The following CTR9 variants were observed in gnomAD, a reference collection of about 807,000 sequenced individuals.
The protein encoded by CTR9 is RNA polymerase-associated protein CTR9 homolog.
Under a neutral mutation model 152.1 loss-of-function variants are expected in CTR9, and 41 were observed. The ratio of observed to expected loss-of-function variants is 0.27; its 90% CI spans 0.21 to 0.35. The LOEUF is 0.35. CTR9 is among the 10% of genes least tolerant of loss of function. The pLI is 1.00. For synonymous variants in CTR9, 476 were observed against 496.2 expected (o/e 0.96, Z 0.54); for missense variants, 917 against 1,424.4 (o/e 0.64, Z 5.73).
chr11:10,778,482 CT>C (rs1200532082), intron 24 of CTR9, among the ~76,000 whole-genome samples, 196 bp from the exon 25 acceptor site: 1 of 152,048 alleles, frequency 6.6e-6, no homozygotes, highest in Non-Finnish European at 1.5e-5. Flanking sequence ...CTTTTTAAAC[CT>C]TTTTGAGTTG....
intron 7 of CTR9, among the ~76,000 whole-genome samples, chr11:10,762,560 C>G (rs1256346026): frequency 6.6e-6 from 1 of 152,176 alleles, no homozygotes; most frequent in Non-Finnish European, 1.5e-5. Context: ...GCTTTGGATT[C>G]AGATAGTGGA....
Position 10,759,375 on chromosome 11 carries a change from G to T in CTR9, c.593-798G>T, listed in dbSNP as rs200543516. ...AAATAGGGACACAGAATTGATCATT[G>T]GATTTAGCACCATACAAATCCATAG... On this transcript the variant is annotated intron_variant, in intron 5 of 24. Coordinates refer to ENST00000361367, the MANE Select transcript of CTR9 (RefSeq NM_014633.5). Among the ~76,000 whole-genome samples the T allele has an allele frequency of 5.3e-5, 8 of 152,174 alleles. No individual in the cohort carries two copies. The East Asian group carries it at 1.3e-3, about 26-fold the overall frequency.
intron 13 of CTR9, among the ~76,000 whole-genome samples, chr11:10,766,900 G>A (rs981036307): frequency 2.0e-5 from 3 of 152,034 alleles, no homozygotes; most frequent in African/African-American, 7.3e-5. Context: ...AACGTTTTGA[G>A]GGCCCACAAA....
At chr11:10,768,512 A>C in intron 16 of CTR9, 21 bp downstream of exon 16, 1 of 1,576,606 alleles carries the variant, frequency 6.3e-7, no homozygotes, top group Non-Finnish European at 8.6e-7. Flanking sequence ...CTCTTTCAAG[A>C]TATTTTTATA....
rs189206491 is a variant in CTR9, at chr11:10,773,322, G to A, written c.2727+49G>A. 1.6e-4 allele frequency: 258 copies of A among 1,587,618 alleles called. No homozygotes were observed. The South Asian group carries it at 2.5e-3, about 15-fold the overall frequency. On this transcript the variant is annotated intron_variant, in intron 21 of 24. Transcript: ENST00000361367. The stretch of plus-strand genomic sequence containing the variant: ...CAAGTGACCTCATTCTCTGTCTTTT[G>A]GCTTTGAGAAATGAGGATAATTGGT...
chr11:10,757,937 C>T (rs1014599683), intron 5 of CTR9, among the ~76,000 whole-genome samples: 3 of 152,184 alleles, frequency 2.0e-5, no homozygotes, highest in African/African-American at 7.2e-5. Context: ...ACCTAAAAAA[C>T]AACTAGCAGC....
Position 10,764,742 on chromosome 11 carries a change from T to A in CTR9, c.1597+11T>A. ...CTAATTATGTTGACTGTAAGGATTT[T>A]AAACTTCTTTATGTAATGAAATCCG... On this transcript the variant is annotated intron_variant, in intron 12 of 24. Transcript: ENST00000361367. 3 of 1,576,180 alleles carry A rather than the reference T, an allele frequency of 1.9e-6. No individual in the cohort carries two copies. The highest frequency in any genetic ancestry group is 2.6e-6 in the Non-Finnish European group (3 of 1,152,206).
chr11:10,775,378 C>A, intron 23 of CTR9, 75 bp downstream of exon 23: 1 of 1,434,806 alleles, frequency 7.0e-7, no homozygotes, highest in Non-Finnish European at 9.7e-7. Context: ...TACATTCTTT[C>A]CTTGCAGCTT....
At chr11:10,773,369 A>G in intron 21 of CTR9, 96 bp downstream of exon 21, 1 of 1,420,868 alleles carries the variant, frequency 7.0e-7, no homozygotes, top group Non-Finnish European at 9.7e-7. Context: ...TGTACTTACT[A>G]GTTTTGACTT....
intron 20 of CTR9, 107 bp from the exon 21 acceptor site, chr11:10,773,020 C>G: frequency 8.0e-7 from 1 of 1,251,572 alleles, no homozygotes; most frequent in Non-Finnish European, 1.1e-6. Flanking sequence ...GAGTGAGACT[C>G]CATCTCAAAA....
At chr11:10,764,817 T>A in intron 12 of CTR9, 86 bp downstream of exon 12, 1 of 1,261,690 alleles carries the variant, frequency 7.9e-7, no homozygotes, top group Non-Finnish European at 1.1e-6. Context: ...AATTTAGAAT[T>A]GATAGTAAAA....
chr11:10,764,126 G>C lies in CTR9; in HGVS notation c.1209G>C (p.Lys403Asn). Residue 403 changes from lysine to asparagine, a missense_variant, in exon 10 of 25, where the codon AAG (lysine) becomes AAC (asparagine). By Grantham distance (94) the Lys-to-Asn change is moderately conservative. Transcript: ENST00000361367. ...TTTTATCCCAGGGCCATTTGAAGAA[G>C]GTCACAGAACAGTATCCCGATGATG... ...KRDIAKGHLK[K>N]VTEQYPDDVE... 1 of 1,614,054 alleles carries C rather than the reference G, an allele frequency of 6.2e-7. No homozygotes were observed.
chr11:10,752,690 G>T lies in CTR9; in HGVS notation c.64G>T (p.Asp22Tyr). ...ATTTTAGGTCATTGAACTTGACTTC[G>T]ATCAGTTACCGGAGGGAGATGAAGT... ...DTDEVIELDF[D>Y]QLPEGDEVIS... The change falls in exon 2 of 25, where the codon GAT becomes TAT. Residue 22 changes from aspartate to tyrosine, a missense_variant. Physicochemically the swap from Asp to Tyr is radical, Grantham distance 160. This residue lies in a region of CTR9 where 14 missense variants were observed against 48.7 expected (regional missense o/e 0.29). Transcript: ENST00000361367. 1.9e-6 allele frequency: 3 copies of T among 1,613,576 alleles called. No individual in the cohort carries two copies. The highest frequency in any genetic ancestry group is 2.2e-5 in the South Asian group (2 of 91,052).
chr11:10,772,164 T>G (rs1441304460), intron 19 of CTR9, among the ~76,000 whole-genome samples: 1 of 152,092 alleles, frequency 6.6e-6, no homozygotes, highest in Non-Finnish European at 1.5e-5. Context: ...AAGAGCAGCC[T>G]GACCAACATG....
In CTR9 at chr11:10,779,150, A is replaced by C; in HGVS notation, c.*45A>C. On this transcript the variant is annotated 3_prime_UTR_variant, in exon 25 of 25. Coordinates refer to ENST00000361367, the MANE Select transcript of CTR9 (RefSeq NM_014633.5). The stretch of plus-strand genomic sequence containing the variant: ...CTTCATCTCTGGAGGAAACTTTTTT[A>C]ATATATGAAAGCTGTGATAAAAATG... The C allele has an allele frequency of 2.0e-6, 3 of 1,516,834 alleles. No individual in the cohort carries two copies. Among genetic ancestry groups the C allele is most frequent in the Non-Finnish European group, 2.7e-6 (3 of 1,127,738 alleles). The allele number at this position is 1,516,834 out of a possible 1,614,324, so 94.0% of individuals were successfully genotyped here.
Position 10,768,471 on chromosome 11 carries a change from T to G in CTR9, c.2089T>G (p.Tyr697Asp). 6.2e-7 allele frequency: 1 copy of G among 1,611,382 alleles called. No individual in the cohort carries two copies. Among genetic ancestry groups the G allele is most frequent in the Non-Finnish European group, 8.5e-7 (1 of 1,179,292 alleles). The change falls in exon 16 of 25, where the codon TAC becomes GAC. Residue 697 changes from tyrosine (Y) to aspartate (D), a missense_variant. Tyr to Asp is a radical substitution (Grantham distance 160). This residue lies in a region of CTR9 where 87 missense variants were observed against 235.7 expected (regional missense o/e 0.37). Transcript: ENST00000361367. ...LAHIYVEQKQ[Y>D]ISAVQMYENC... ...ACACATCTATGTGGAGCAAAAGCAG[T>G]ACATCAGCGCCGTTCAGATGGTAAT...
chr11:10,775,743 A>G lies in CTR9; in HGVS notation c.3095+110A>G, dbSNP rs1863223174. On this transcript the variant is annotated intron_variant, in intron 24 of 24. Transcript: ENST00000361367. ...AATATACTTTTCTTTCTTTTTCTTTATAAATAATAAGAGGGGTGGGGACAG... is the reference window on the plus strand; with the variant it reads ...AATATACTTTTCTTTCTTTTTCTTTGTAAATAATAAGAGGGGTGGGGACAG... 8 of 667,382 alleles carry G rather than the reference A, an allele frequency of 1.2e-5. No individual in the cohort carries two copies. The South Asian group carries it at 1.8e-4, about 15-fold the overall frequency. The allele number at this position is 667,382 out of a possible 1,614,324, so 41.3% of individuals were successfully genotyped here.
In CTR9 at chr11:10,778,966, C is replaced by G. The variant is rs1390026622; in HGVS notation, c.3383C>G (p.Ala1128Gly). 1.9e-6 allele frequency: 3 copies of G among 1,614,128 alleles called. No homozygotes were observed. The highest frequency in any genetic ancestry group is 2.2e-5 in the South Asian group (2 of 91,070). Residue 1128 changes from alanine (A) to glycine (G), a missense_variant, in exon 25 of 25, where the codon GCC becomes GGC. Ala to Gly is a moderately conservative substitution (Grantham distance 60). Transcript: ENST00000361367. ...GACTCTCGCCCAGCTTCTCCAAGTGCCGAATCAGATCACGAATCGGAGAGA... is the reference window on the plus strand; with the variant it reads ...GACTCTCGCCCAGCTTCTCCAAGTGGCGAATCAGATCACGAATCGGAGAGA... ...ENDSRPASPS[A>G]ESDHESERGS...
At chr11:10,761,746 GAC>G (rs1293650784) in intron 6 of CTR9, among the ~76,000 whole-genome samples, 199 bp from the exon 7 acceptor site, 3 of 152,040 alleles carry the variant, frequency 2.0e-5, no homozygotes, top group Non-Finnish European at 4.4e-5. Context: ...GGAAAAAAGT[GAC>G]ACACAAAAAA....
Sources: allele counts gnomAD v4.1 joint callset (sites outside exome capture counted in the v4.1 genomes callset), GRCh38; gene constraint gnomAD v4.1.1; regional missense constraint gnomAD v4.1.1; transcripts MANE v1.5; gene names NCBI Gene and HGNC (gene_info 2026-07-23, HGNC 2026-07-21).